The following CAPN1 variants were observed in gnomAD, a reference collection of about 807,000 sequenced individuals.
CAPN1 encodes the protein calpain-1 catalytic subunit.
A neutral mutation model predicts 105.2 loss-of-function variants in CAPN1; 77 were observed. That is an observed-to-expected ratio of 0.73 (90% CI 0.61 to 0.88). The LOEUF is 0.88. CAPN1 is among the 40% of genes least tolerant of loss of function. The pLI is 0.00. For synonymous variants in CAPN1, 355 were observed against 388.8 expected (o/e 0.91, Z 1.02); for missense variants, 833 against 976.6 (o/e 0.85, Z 1.96).
chr11:65,206,360 C>G (rs1948956711), intron 12 of CAPN1, 103 bp from the exon 13 acceptor site: 1 of 866,218 alleles, frequency 1.2e-6, no homozygotes, highest in African/African-American at 1.6e-5. Flanking sequence ...AGCTCTCCAG[C>G]CCCTTGGCCA....
chr11:65,206,642 G>C lies in CAPN1; in HGVS notation c.1533G>C (p.Leu511=). The change falls in exon 13 of 22, where the codon CTG becomes CTC. Residue 511 remains leucine, a synonymous_variant. Transcript: ENST00000279247. ...CCAACAAGGAGGGCGACTTCGTGCTGCGCTTCTTCTCAGAGAAGAGTGCTG... is the reference window on the plus strand; with the variant it reads ...CCAACAAGGAGGGCGACTTCGTGCTCCGCTTCTTCTCAGAGAAGAGTGCTG... ...FEPNKEGDFV[L]RFFSEKSAGT... 1 of 1,613,378 alleles carries C rather than the reference G, an allele frequency of 6.2e-7. No individual in the cohort carries two copies. Among genetic ancestry groups the C allele is most frequent in the Non-Finnish European group, 8.5e-7 (1 of 1,179,880 alleles).
chr11:65,183,113 C>T lies in CAPN1; in HGVS notation c.268-15C>T, dbSNP rs775689033. The T allele has an allele frequency of 3.1e-6, 5 of 1,613,798 alleles. No homozygotes were observed. The highest frequency in any genetic ancestry group is 1.7e-5 in the Admixed American group (1 of 60,002). On this transcript the variant is annotated splice_polypyrimidine_tract_variant and intron_variant, in intron 2 of 21. Transcript: ENST00000279247. ...GAGGGGCTGGCCGAGGAACAGGACT[C>T]TGGGTCTCTCGTAGGAACTGCTGTC...
At chr11:65,185,415 G>C (rs189126363) in intron 4 of CAPN1, among the ~76,000 whole-genome samples, 4 of 151,934 alleles carry the variant, frequency 2.6e-5, no homozygotes, top group Non-Finnish European at 5.9e-5. Context: ...TAATTGTTTC[G>C]TTCAGACCTT....
rs1948995582 is a variant in CAPN1 at position 65,208,370 on chromosome 11, G to A, written c.1729+108G>A. On this transcript the variant is annotated intron_variant, in intron 16 of 21. Coordinates refer to ENST00000279247, the MANE Select transcript of CAPN1 (RefSeq NM_005186.4). The surrounding 1 kb of genome is among the most constrained non-coding windows in gnomAD (Gnocchi z 4.1). Reference sequence around the variant, plus strand: ...CCTCATCCCTTGGTCTGCATGAGTCGGGGAATCCTCCAGTTTTTCTGAGCC... The same window carrying A: ...CCTCATCCCTTGGTCTGCATGAGTCAGGGAATCCTCCAGTTTTTCTGAGCC... 2.8e-6 allele frequency: 3 copies of A among 1,090,882 alleles called. No individual in the cohort carries two copies. The highest frequency in any genetic ancestry group is 1.4e-5 in the South Asian group (1 of 73,454). The allele number at this position is 1,090,882 out of a possible 1,614,324, so 67.6% of individuals were successfully genotyped here.
chr11:65,196,583 C>T (rs186282415), intron 10 of CAPN1, among the ~76,000 whole-genome samples: 1 of 152,134 alleles, frequency 6.6e-6, no homozygotes, highest in Non-Finnish European at 1.5e-5. Context: ...AGAACTTATT[C>T]CTTCTATTTA....
upstream of CAPN1, chr11:65,181,681 C>T (rs17881181): frequency 0.018 from 5,994 of 331,476 alleles, 80 homozygotes; most frequent in Non-Finnish European, 0.025. This position sits in a 1 kb window ranked among gnomAD's most constrained non-coding sequence, Gnocchi z 4.6. Context: ...CCCCCCATCC[C>T]CCCCCGCGCT....
At position 65,186,253 on chromosome 11, in the gene CAPN1, A is replaced by G; in HGVS notation, c.674A>G (p.Tyr225Cys). The G allele has an allele frequency of 6.2e-7, 1 of 1,613,572 alleles. No homozygotes were observed. Among genetic ancestry groups the G allele is most frequent in the Non-Finnish European group, 8.5e-7 (1 of 1,179,668 alleles). The part of the protein sequence containing the change: ...EDFTGGVTEW[Y>C]ELRKAPSDLY... ...TTCACAGGCGGGGTTACCGAGTGGT[A>G]CGAGTTGCGCAAGGCTCCCAGTGAC... The change falls in exon 6 of 22, where the codon TAC becomes TGC. Residue 225 changes from tyrosine to cysteine, a missense_variant. Tyr to Cys is a radical substitution (Grantham distance 194). Coordinates refer to ENST00000279247, the MANE Select transcript of CAPN1 (RefSeq NM_005186.4).
rs772409559 is a variant in CAPN1 at position 65,182,681 on chromosome 11, C to T, written c.-1-20C>T. On this transcript the variant is annotated intron_variant, in intron 1 of 21. Coordinates refer to ENST00000279247, the MANE Select transcript of CAPN1 (RefSeq NM_005186.4). ...GTCTTGGGAAGGCCTGGGTTCTGAG[C>T]AGGCCCATCTGTCCGGCAGGATGTC... 3 of 1,519,498 alleles carry T rather than the reference C, an allele frequency of 2.0e-6. No individual in the cohort carries two copies. The highest frequency in any genetic ancestry group is 2.1e-4 in the Middle Eastern group (1 of 4,708). The allele number at this position is 1,519,498 out of a possible 1,614,324, so 94.1% of individuals were successfully genotyped here. A position where few individuals can be genotyped will look rare whatever the true frequency, so the allele number is the denominator to read the frequency against.
Position 65,182,852 on chromosome 11 carries a change from C to A in CAPN1, c.151C>A (p.Gln51Lys). ...TGAGCAGCTGCGGGTGCGATGCCTG[C>A]AGAGTGGGACCCTCTTCCGTGATGA... ...DYEQLRVRCL[Q>K]SGTLFRDEAF... The change falls in exon 2 of 22, where the codon CAG (glutamine) becomes AAG (lysine). Residue 51 changes from glutamine to lysine, a missense_variant. Physicochemically the swap from Gln to Lys is moderately conservative, Grantham distance 53. Transcript: ENST00000279247. 13 of 1,600,766 alleles carry A rather than the reference C, an allele frequency of 8.1e-6. No homozygotes were observed. The highest frequency in any genetic ancestry group is 1.0e-5 in the Non-Finnish European group (12 of 1,174,028).
intron 10 of CAPN1, among the ~76,000 whole-genome samples, chr11:65,201,261 AC>A (rs1469060237): frequency 1.3e-5 from 2 of 150,504 alleles, no homozygotes; most frequent in African/African-American, 4.9e-5. Flanking sequence ...TCATTTTCTT[AC>A]TTTTTGTAGT....
Position 65,210,955 on chromosome 11 carries a change from C to T in CAPN1, c.2118+83C>T. ...ATCTGGCCAGTGTTCCCTGTCCTTT[C>T]CTGGAAATGAGCCTGGGCCTCAGAG... On this transcript the variant is annotated intron_variant, in intron 21 of 21. Transcript: ENST00000279247. This position sits in a 1 kb window ranked among gnomAD's most constrained non-coding sequence, Gnocchi z 4.3. 1 of 1,252,166 alleles carries T rather than the reference C, an allele frequency of 8.0e-7. No homozygotes were observed. The highest frequency in any genetic ancestry group is 1.2e-5 in the South Asian group (1 of 83,344). The allele number at this position is 1,252,166 out of a possible 1,614,324, so 77.6% of individuals were successfully genotyped here.
At chr11:65,197,509 T>G (rs1948807804) in intron 10 of CAPN1, among the ~76,000 whole-genome samples, 1 of 152,162 alleles carries the variant, frequency 6.6e-6, no homozygotes, top group Non-Finnish European at 1.5e-5. Flanking sequence ...CTTTTTATAC[T>G]GTTTGATGTC....
intron 6 of CAPN1, among the ~76,000 whole-genome samples, chr11:65,186,720 CCCTT>C (rs1948639435): frequency 6.6e-6 from 1 of 152,142 alleles, no homozygotes. Context: ...TCCATTCCCA[CCCTT>C]CCCTGCTCCT....
intron 10 of CAPN1, 123 bp from the exon 11 acceptor site, chr11:65,204,560 C>G: frequency 1.1e-6 from 1 of 879,638 alleles, no homozygotes. Flanking sequence ...CTGCATGTTC[C>G]AGGTGCTCAA....
At chr11:65,187,175 G>C in intron 6 of CAPN1, 40 bp from the exon 7 acceptor site, 1 of 1,470,230 alleles carries the variant, frequency 6.8e-7, no homozygotes, top group Non-Finnish European at 9.5e-7. Flanking sequence ...TAGGGCGGGG[G>C]GACCTAGCCA....
chr11:65,185,774 G>A, intron 4 of CAPN1, 143 bp from the exon 5 acceptor site: 1 of 806,322 alleles, frequency 1.2e-6, no homozygotes, highest in Non-Finnish European at 1.9e-6. Flanking sequence ...CATCTAGTAT[G>A]TATCTAATTT....
At chr11:65,199,365 A>AT (rs984743505) in intron 10 of CAPN1, among the ~76,000 whole-genome samples, 9 of 150,174 alleles carry the variant, frequency 6.0e-5, no homozygotes, top group South Asian at 2.1e-4. Flanking sequence ...AAAAATCTTA[A>AT]TTTTTTTTTT....
intron 3 of CAPN1, 25 bp downstream of exon 3, chr11:65,183,222 C>G (rs762462478): frequency 8.1e-6 from 13 of 1,610,228 alleles, no homozygotes; most frequent in East Asian, 4.5e-5. Flanking sequence ...CGTCGGGTCC[C>G]GGGTATTTTT....
intron 3 of CAPN1, 45 bp downstream of exon 3, chr11:65,183,242 G>T: frequency 3.8e-6 from 6 of 1,559,154 alleles, no homozygotes; most frequent in Non-Finnish European, 5.3e-6. Context: ...TTCCACAGTA[G>T]TTCCCCATTC....
Sources: gnomAD v4.1 joint callset for allele counts (sites outside exome capture counted in the v4.1 genomes callset) on GRCh38, gnomAD v4.1.1 for gene constraint, Gnocchi (gnomAD v3.1) non-coding constraint, MANE v1.5 for transcripts, NCBI Gene and HGNC (gene_info 2026-07-23, HGNC 2026-07-21) for gene names.